PID1: variants seen among roughly 807,000 people sequenced by gnomAD.
PID1 encodes phosphotyrosine interaction domain containing 1.
A neutral mutation model predicts 19.1 loss-of-function variants in PID1; 10 were observed. That is an observed-to-expected ratio of 0.52 (90% CI 0.32 to 0.89). The LOEUF (loss-of-function observed/expected upper bound fraction) is 0.89, where lower values mean the gene tolerates loss of function less well. PID1 is among the 40% of genes least tolerant of loss of function. The probability of loss-of-function intolerance (pLI) is 0.03; values close to 1 mark genes in which losing one functional copy is unlikely to be tolerated. For missense variants in PID1, 248 were observed against 285.3 expected (o/e 0.87, Z 0.94); for synonymous variants, 130 against 116.0 (o/e 1.12, Z -0.78).
chr2:229,115,150 C>T (rs974563917), intron 2 of PID1, among the ~76,000 whole-genome samples: 6 of 152,020 alleles, frequency 3.9e-5, no homozygotes, highest in Admixed American at 3.9e-4. Flanking sequence ...CACTGAGGGT[C>T]AGGGTTAGGG....
At chr2:229,160,371 AG>A (rs57201634) in intron 1 of PID1, among the ~76,000 whole-genome samples, 27,937 of 151,830 alleles carry the variant, frequency 0.18, 2,821 homozygotes, top group Non-Finnish European at 0.23. Flanking sequence ...AAAAGAAAAA[AG>A]AAAAGCTAAA....
chr2:229,174,723 G>A (rs1423633515), intron 1 of PID1, among the ~76,000 whole-genome samples: 265 of 129,576 alleles, frequency 2.0e-3, no homozygotes, highest in Non-Finnish European at 2.3e-3. Flanking sequence ...AATGCATGAA[G>A]AAAAAAAAAA....
At chr2:229,197,838 C>A (rs1256132550) in intron 1 of PID1, among the ~76,000 whole-genome samples, 1 of 151,972 alleles carries the variant, frequency 6.6e-6, no homozygotes. Flanking sequence ...ATTGGGTCAT[C>A]ATAATTTTCC....
intron 1 of PID1, among the ~76,000 whole-genome samples, chr2:229,247,975 C>T (rs1319752799): frequency 6.6e-6 from 1 of 152,136 alleles, no homozygotes; most frequent in Non-Finnish European, 1.5e-5. Flanking sequence ...TCTCATCCTC[C>T]TCATCCTTCC....
In PID1 at chr2:229,231,828, T is replaced by C. The variant is rs1454656956; in HGVS notation, c.30+39186A>G. On this transcript the variant is annotated intron_variant, in intron 1 of 2. Transcript: ENST00000392055. ...TTTTACCAAACCTACTTCCCACTCC[T>C]CTTCTTTTACCTCCTTGTCTTAATC... The C allele has an allele frequency of 2.6e-6, 4 of 1,528,490 alleles. No individual in the cohort carries two copies. In the African/African-American group the frequency reaches 5.5e-5, roughly 21 times the overall value. The allele number at this position is 1,528,490 out of a possible 1,614,324, so 94.7% of individuals were successfully genotyped here. A position where few individuals can be genotyped will look rare whatever the true frequency, so the allele number is the denominator to read the frequency against.
At chr2:229,032,614 G>T (rs1024701011) in intron 2 of PID1, among the ~76,000 whole-genome samples, 3 of 152,206 alleles carry the variant, frequency 2.0e-5, no homozygotes, top group Non-Finnish European at 2.9e-5. Flanking sequence ...CTTGGAAGAT[G>T]ACAAGAGGGG....
intron 1 of PID1, among the ~76,000 whole-genome samples, chr2:229,261,896 C>CTT (rs34477126): frequency 2.4e-4 from 35 of 147,936 alleles, no homozygotes; most frequent in South Asian, 4.3e-4. Flanking sequence ...ACATGGCTGA[C>CTT]TTTTTTTTTT....
chr2:229,172,114 C>A (rs1196265679), intron 1 of PID1, among the ~76,000 whole-genome samples: 2 of 152,176 alleles, frequency 1.3e-5, no homozygotes, highest in African/African-American at 2.4e-5. Context: ...TCCTTCCCGC[C>A]AGATCCTAGC....
intron 1 of PID1, among the ~76,000 whole-genome samples, chr2:229,209,575 T>C (rs1264018140): frequency 6.6e-6 from 1 of 152,204 alleles, no homozygotes; most frequent in African/African-American, 2.4e-5. Context: ...AGCCACCGAA[T>C]TGTCCAGGAA....
intron 2 of PID1, among the ~76,000 whole-genome samples, chr2:229,068,582 G>A (rs145536537): frequency 7.2e-5 from 11 of 152,232 alleles, no homozygotes; most frequent in African/African-American, 2.4e-4. Flanking sequence ...TACATTCGTT[G>A]CCCTTCCATT....
At chr2:229,254,985 C>T (rs1308592945) in intron 1 of PID1, among the ~76,000 whole-genome samples, 3 of 152,210 alleles carry the variant, frequency 2.0e-5, no homozygotes, top group East Asian at 1.9e-4. Context: ...AAAACAGATT[C>T]GAGGAGAGAG....
chr2:229,252,620 G>GAA (rs1402849225), intron 1 of PID1, among the ~76,000 whole-genome samples: 3 of 152,082 alleles, frequency 2.0e-5, no homozygotes, highest in African/African-American at 7.2e-5. Flanking sequence ...TAAATTAGTA[G>GAA]GTTTTTTAAA....
intron 1 of PID1, among the ~76,000 whole-genome samples, chr2:229,195,798 A>G (rs1691366191): frequency 6.6e-6 from 1 of 152,106 alleles, no homozygotes. Flanking sequence ...TGTAATGAAC[A>G]GCCCTGAGAT....
At chr2:229,136,411 T>C (rs1689858323) in intron 2 of PID1, among the ~76,000 whole-genome samples, 1 of 152,184 alleles carries the variant, frequency 6.6e-6, no homozygotes, top group Non-Finnish European at 1.5e-5. Flanking sequence ...AGATAATGTT[T>C]ACTGTGTTAA....
chr2:229,134,545 G>A (rs933316600), intron 2 of PID1, among the ~76,000 whole-genome samples: 2 of 151,850 alleles, frequency 1.3e-5, no homozygotes, highest in African/African-American at 2.4e-5. Context: ...CCTGGCCACT[G>A]TTGTTATCTG....
intron 2 of PID1, among the ~76,000 whole-genome samples, chr2:229,041,385 C>T (rs1574577414): frequency 6.6e-6 from 1 of 151,970 alleles, no homozygotes; most frequent in Non-Finnish European, 1.5e-5. Flanking sequence ...TGATTACAAC[C>T]CACAGAATGG....
chr2:229,095,394 G>T (rs1046739826), intron 2 of PID1, among the ~76,000 whole-genome samples: 1 of 152,084 alleles, frequency 6.6e-6, no homozygotes, highest in Non-Finnish European at 1.5e-5. Flanking sequence ...AGGGAAAATT[G>T]CCCATTTTGC....
At position 229,197,761 on chromosome 2, in the gene PID1, C is replaced by T. The variant is rs185292986; in HGVS notation, c.31-41797G>A. Among the ~76,000 whole-genome samples the T allele has an allele frequency of 2.1e-3, 317 of 152,000 alleles. 3 individuals carry two copies. Among genetic ancestry groups the T allele is most frequent in the African/African-American group, 7.3e-3 (302 of 41,494 alleles). ...CTGAGATTCACAGCATGGTGAATGACGACACCAATACCTTACCGAGGCTGT... is the reference window on the plus strand; with the variant it reads ...CTGAGATTCACAGCATGGTGAATGATGACACCAATACCTTACCGAGGCTGT... On this transcript the variant is annotated intron_variant, in intron 1 of 2. Coordinates refer to ENST00000392055, the MANE Select transcript of PID1 (RefSeq NM_001100818.2).
chr2:229,035,506 ATGTGTGTGTGTGTGTGTG>A (rs3083806), intron 2 of PID1, among the ~76,000 whole-genome samples: 2 of 148,154 alleles, frequency 1.3e-5, no homozygotes, highest in East Asian at 2.0e-4. Context: ...AATCATTTAT[ATGTGTGTGTGTGTGTGTG>A]TGTGTGTGTG....
Sources: allele counts gnomAD v4.1 joint callset (sites outside exome capture counted in the v4.1 genomes callset), GRCh38; gene constraint gnomAD v4.1.1; transcripts MANE v1.5; gene names NCBI Gene and HGNC (gene_info 2026-07-23, HGNC 2026-07-21).